Variants in CTNNA3 observed in about 807,000 individuals in gnomAD.
CTNNA3 encodes catenin alpha-3.
CTNNA3 carries 76 observed loss-of-function variants against 95.7 expected under a neutral mutation model. That is an observed-to-expected ratio of 0.79 (90% CI 0.66 to 0.96). The LOEUF is 0.96. Among genes scored for constraint, CTNNA3 ranks in the 40% least tolerant of loss-of-function variants. The pLI is 0.00. For synonymous variants in CTNNA3, 431 were observed against 374.4 expected (o/e 1.15, Z -1.74); for missense variants, 1,191 against 1,089.8 (o/e 1.09, Z -1.31).
At chr10:65,961,274 A>G (rs2077836780) in intron 17 of CTNNA3, among the ~76,000 whole-genome samples, 2 of 152,088 alleles carry the variant, frequency 1.3e-5, no homozygotes, top group Non-Finnish European at 1.5e-5. Context: ...CTGTGCCACC[A>G]TATTTTATCT....
chr10:66,679,400 T>C (rs923234052), intron 9 of CTNNA3, among the ~76,000 whole-genome samples: 1 of 152,140 alleles, frequency 6.6e-6, no homozygotes, highest in Non-Finnish European at 1.5e-5. Flanking sequence ...CAAACAAGAA[T>C]TCAGATTTAA....
At chr10:66,399,199 GTAT>G (rs77201278) in intron 11 of CTNNA3, among the ~76,000 whole-genome samples, 11,660 of 151,658 alleles carry the variant, frequency 0.077, 568 homozygotes, top group East Asian at 0.22. Context: ...TTTTCTTATA[GTAT>G]TATTCACACC....
Position 66,455,683 on chromosome 10 carries a change from G to A in CTNNA3, c.1531+64934C>T, listed in dbSNP as rs573327340. On this transcript the variant is annotated intron_variant, in intron 11 of 17. Transcript: ENST00000433211. The stretch of plus-strand genomic sequence containing the variant: ...ACTACTAGCCAATAGTCCACATGCT[G>A]CTACTGTGGATGCTCAGGCTCTGGG... Among the ~76,000 whole-genome samples, 3 of 152,284 alleles carry A rather than the reference G, an allele frequency of 2.0e-5. No homozygotes were observed. The South Asian group carries it at 6.2e-4, about 32-fold the overall frequency.
At chr10:66,156,803 T>C (rs555225874) in intron 13 of CTNNA3, among the ~76,000 whole-genome samples, 71 of 151,978 alleles carry the variant, frequency 4.7e-4, no homozygotes, top group African/African-American at 1.3e-3. Context: ...CCAGATCATA[T>C]AGTGCCTTCA....
chr10:67,017,051 G>A (rs1269354437), intron 7 of CTNNA3, among the ~76,000 whole-genome samples: 1 of 152,130 alleles, frequency 6.6e-6, no homozygotes, highest in Non-Finnish European at 1.5e-5. Context: ...AAAAATTAAT[G>A]AGCCAAGATC....
intron 5 of CTNNA3, among the ~76,000 whole-genome samples, chr10:67,400,400 C>T (rs1844873949): frequency 6.6e-6 from 1 of 152,098 alleles, no homozygotes; most frequent in Non-Finnish European, 1.5e-5. Flanking sequence ...CTTACAAATA[C>T]ATTTATTTTA....
At chr10:67,613,049 T>C (rs548843399) in intron 2 of CTNNA3, among the ~76,000 whole-genome samples, 3 of 152,344 alleles carry the variant, frequency 2.0e-5, no homozygotes, top group South Asian at 2.1e-4. Context: ...CCAAACTCTT[T>C]AGCGTAGCTT....
Position 66,889,484 on chromosome 10 carries a change from G to A in CTNNA3, c.1048-113960C>T, listed in dbSNP as rs554171933. Among the ~76,000 whole-genome samples the A allele has an allele frequency of 2.6e-5, 4 of 152,218 alleles. No individual in the cohort carries two copies. In the South Asian group the frequency reaches 8.3e-4, roughly 32 times the overall value. Reference sequence around the variant, plus strand: ...CCTATGTGAGTGCAGTGTGTATGTGGTAAATCTATCTTCCATTCGATTTTG... The same window carrying A: ...CCTATGTGAGTGCAGTGTGTATGTGATAAATCTATCTTCCATTCGATTTTG... On this transcript the variant is annotated intron_variant, in intron 7 of 17. Coordinates refer to ENST00000433211, the MANE Select transcript of CTNNA3 (RefSeq NM_013266.4).
chr10:66,935,388 C>A (rs776287387), intron 7 of CTNNA3, among the ~76,000 whole-genome samples: 1 of 151,984 alleles, frequency 6.6e-6, no homozygotes, highest in East Asian at 1.9e-4. Context: ...TAAAATTCAG[C>A]GCTTTGAGAT....
At chr10:66,430,525 A>C (rs542391504) in intron 11 of CTNNA3, among the ~76,000 whole-genome samples, 1 of 152,344 alleles carries the variant, frequency 6.6e-6, no homozygotes, top group Admixed American at 6.5e-5. Flanking sequence ...ACAGTAACCA[A>C]AACAGCATGA....
intron 11 of CTNNA3, among the ~76,000 whole-genome samples, chr10:66,414,282 C>A (rs1182292879): frequency 2.0e-5 from 3 of 152,046 alleles, no homozygotes; most frequent in African/African-American, 7.2e-5. Context: ...CTAAAATACC[C>A]AGTAGATATT....
chr10:66,115,556 AG>A (rs1488939778), intron 13 of CTNNA3, among the ~76,000 whole-genome samples: 3 of 147,848 alleles, frequency 2.0e-5, no homozygotes, highest in Non-Finnish European at 3.0e-5. Context: ...ATAGATAGAT[AG>A]ATAGATAGAT....
chr10:66,496,471 T>C (rs774642214), intron 11 of CTNNA3, among the ~76,000 whole-genome samples: 4 of 152,190 alleles, frequency 2.6e-5, no homozygotes, highest in African/African-American at 9.6e-5. Context: ...ACATGATCCA[T>C]ACGAGAATTA....
At chr10:66,736,068 T>TG (rs1849126270) in intron 9 of CTNNA3, among the ~76,000 whole-genome samples, 1 of 152,214 alleles carries the variant, frequency 6.6e-6, no homozygotes, top group African/African-American at 2.4e-5. Flanking sequence ...AGAGTGCAGT[T>TG]GAGCCACAGC....
At chr10:67,157,328 T>C (rs1861355135) in intron 7 of CTNNA3, among the ~76,000 whole-genome samples, 1 of 152,158 alleles carries the variant, frequency 6.6e-6, no homozygotes, top group South Asian at 2.1e-4. Flanking sequence ...ATTAAGCTCA[T>C]GTGCAAACAT....
At chr10:67,255,316 A>AT (rs1188797652) in intron 5 of CTNNA3, among the ~76,000 whole-genome samples, 20 of 151,812 alleles carry the variant, frequency 1.3e-4, no homozygotes, top group South Asian at 4.1e-4. Context: ...AAATAAATAA[A>AT]TAAATTAATT....
intron 13 of CTNNA3, among the ~76,000 whole-genome samples, chr10:66,148,817 A>G (rs1272402939): frequency 6.6e-6 from 1 of 152,140 alleles, no homozygotes; most frequent in Admixed American, 6.6e-5. Flanking sequence ...ATGTTGCACA[A>G]ATAGTAACTA....
intron 12 of CTNNA3, among the ~76,000 whole-genome samples, chr10:66,371,985 G>A (rs1191822624): frequency 1.3e-5 from 2 of 152,172 alleles, no homozygotes; most frequent in African/African-American, 2.4e-5. Context: ...GTGGTCCAGT[G>A]TCATAATGTT....
At chr10:66,987,955 A>G (rs754199778) in intron 7 of CTNNA3, among the ~76,000 whole-genome samples, 3 of 152,216 alleles carry the variant, frequency 2.0e-5, no homozygotes, top group Non-Finnish European at 2.9e-5. Flanking sequence ...CATTTCTATC[A>G]TAACAAATGT....
Sources: gnomAD v4.1 joint callset for allele counts (sites outside exome capture counted in the v4.1 genomes callset) on GRCh38, gnomAD v4.1.1 for gene constraint, MANE v1.5 for transcripts, NCBI Gene and HGNC (gene_info 2026-07-23, HGNC 2026-07-21) for gene names.